KANK1: variants seen among roughly 807,000 people sequenced by gnomAD.
KANK1 encodes the protein KN motif and ankyrin repeat domain-containing protein 1.
In KANK1, 109 loss-of-function variants were observed where a neutral mutation model predicts 106.2. The ratio of observed to expected loss-of-function variants is 1.03; its 90% CI spans 0.88 to 1.20. The LOEUF (loss-of-function observed/expected upper bound fraction) is 1.20. Among genes scored for constraint, KANK1 ranks in the 50% most tolerant of loss-of-function variants. The pLI is 0.00. For synonymous variants in KANK1, 873 were observed against 652.2 expected, an observed-to-expected ratio of 1.34 and a Z score of -5.16; for missense variants, 2,399 against 1,710.7, an observed-to-expected ratio of 1.40 and a Z score of -7.10.
At chr9:684,148 G>A in intron 2 of KANK1, 1 of 984,812 alleles carries the variant, frequency 1.0e-6, no homozygotes, top group Non-Finnish European at 1.2e-6. Context: ...GTTTTAACCT[G>A]TAGCCAGCTT....
chr9:612,869 CATA>C (rs1226774975), intron 1 of KANK1, among the ~76,000 whole-genome samples: 1 of 152,164 alleles, frequency 6.6e-6, no homozygotes, highest in Non-Finnish European at 1.5e-5. Context: ...CCCTAAGAGT[CATA>C]TAAGACACAA....
Position 588,987 on chromosome 9 carries a change from A to G in KANK1, c.-84+84233A>G, listed in dbSNP as rs888817335. On this transcript the variant is annotated intron_variant, in intron 1 of 11. Coordinates refer to ENST00000382297, the MANE Select transcript of KANK1 (RefSeq NM_015158.5). ...AATTATTACCAAATCAGTAAATCAC[A>G]GTAGAAACTAAAGTGCTGACCTTGA... 1.6e-4 allele frequency among the ~76,000 whole-genome samples: 25 copies of G among 152,336 alleles called. 1 individual carries two copies. The highest frequency in any genetic ancestry group is 1.6e-3 in the Admixed American group (24 of 15,306).
At position 732,451 on chromosome 9, in the gene KANK1, G is replaced by A. The variant is rs746340884; in HGVS notation, c.3079G>A (p.Val1027Ile). 6 of 1,614,200 alleles carry A rather than the reference G, an allele frequency of 3.7e-6. No individual in the cohort carries two copies. The South Asian group carries it at 4.4e-5, about 12-fold the overall frequency. The change falls in exon 6 of 12, where the codon GTC becomes ATC. Residue 1027 changes from valine to isoleucine, a missense_variant. Transcript: ENST00000382297. The part of the protein sequence containing the change: ...SSSESDDECD[V>I]IEYPLEEEEE... ...TTCCGAGTCAGATGACGAGTGTGAT[G>A]TCATTGAGTATCCTCTTGAAGAAGA...
At chr9:720,196 A>C (rs1252425531) in intron 3 of KANK1, among the ~76,000 whole-genome samples, 3 of 152,202 alleles carry the variant, frequency 2.0e-5, no homozygotes, top group African/African-American at 4.8e-5. Context: ...AGTTTGAGTT[A>C]ATGATAGAAG....
At chr9:526,654 A>G (rs2059806235) in intron 1 of KANK1, among the ~76,000 whole-genome samples, 1 of 151,884 alleles carries the variant, frequency 6.6e-6, no homozygotes, top group Admixed American at 6.5e-5. Flanking sequence ...AAAACCGTCC[A>G]TGAAAACAGT....
intron 1 of KANK1, among the ~76,000 whole-genome samples, chr9:523,210 C>T (rs1434034406): frequency 1.3e-5 from 2 of 151,682 alleles, no homozygotes; most frequent in Non-Finnish European, 2.9e-5. Context: ...CAACGTCACC[C>T]AAACAGAATT....
intron 1 of KANK1, among the ~76,000 whole-genome samples, chr9:566,229 G>T (rs1817775919): frequency 6.6e-6 from 1 of 152,148 alleles, no homozygotes; most frequent in Non-Finnish European, 1.5e-5. Flanking sequence ...TGGTGTATAT[G>T]TTCCACATTT....
chr9:701,751 G>A (rs557236946), intron 2 of KANK1, among the ~76,000 whole-genome samples: 2 of 152,136 alleles, frequency 1.3e-5, no homozygotes, highest in Non-Finnish European at 2.9e-5. Flanking sequence ...GTTAGTACTC[G>A]ACTAGTTTCC....
chr9:713,214 A>G lies in KANK1; in HGVS notation c.2448A>G (p.Pro816=). The change falls in exon 3 of 12, where the codon CCA becomes CCG. Residue 816 remains proline (P), a synonymous_variant. Coordinates refer to ENST00000382297, the MANE Select transcript of KANK1 (RefSeq NM_015158.5). Reference sequence around the variant, plus strand: ...TGGAGAACCCCCAGCCTCAAGCTCCACTTGGAATGATGACTGGCCTGGATC... The same window carrying G: ...TGGAGAACCCCCAGCCTCAAGCTCCGCTTGGAATGATGACTGGCCTGGATC... The part of the protein sequence containing the change: ...ESLENPQPQA[P]LGMMTGLDHY... 6.3e-7 allele frequency: 1 copy of G among 1,594,138 alleles called. No individual in the cohort carries two copies. The highest frequency in any genetic ancestry group is 8.5e-7 in the Non-Finnish European group (1 of 1,170,082).
chr9:593,338 G>T (rs1825443080), intron 1 of KANK1, among the ~76,000 whole-genome samples: 1 of 151,624 alleles, frequency 6.6e-6, no homozygotes, highest in South Asian at 2.1e-4. Context: ...GACAAAAAAA[G>T]GATTCTTGTA....
intron 2 of KANK1, among the ~76,000 whole-genome samples, chr9:678,356 G>T (rs573330801): frequency 6.6e-6 from 1 of 152,222 alleles, no homozygotes; most frequent in South Asian, 2.1e-4. Flanking sequence ...AATCTAATGA[G>T]ATTAAGCTAT....
At chr9:607,901 G>T (rs9696204) in intron 1 of KANK1, among the ~76,000 whole-genome samples, 2 of 151,092 alleles carry the variant, frequency 1.3e-5, no homozygotes, top group Non-Finnish European at 2.9e-5. Flanking sequence ...ACCTTTACCT[G>T]GTTGTATTGT....
chr9:744,372 C>T (rs950004518), intron 10 of KANK1, 119 bp from the exon 11 acceptor site: 20 of 1,177,686 alleles, frequency 1.7e-5, no homozygotes, highest in African/African-American at 4.6e-5. Flanking sequence ...GAAGACCGAA[C>T]GAGTAGGGAT....
chr9:649,535 G>A (rs879467299), intron 1 of KANK1, among the ~76,000 whole-genome samples: 3 of 152,212 alleles, frequency 2.0e-5, no homozygotes, highest in Non-Finnish European at 2.9e-5. Flanking sequence ...ACAGATGTAA[G>A]TAAGTAGTGC....
At chr9:738,213 T>TA in intron 7 of KANK1, 72 bp from the exon 8 acceptor site, 1 of 1,229,788 alleles carries the variant, frequency 8.1e-7, no homozygotes, top group Non-Finnish European at 1.2e-6. Flanking sequence ...AAGGACAGGT[T>TA]ACTTGTGCTT....
chr9:495,904 T>C (rs532379801), intron 3 of KANK1, among the ~76,000 whole-genome samples: 27 of 152,278 alleles, frequency 1.8e-4, no homozygotes, highest in Non-Finnish European at 2.1e-4. Flanking sequence ...AGGGTTTCCT[T>C]GCTGAGGAAG....
chr9:677,367 A>C (rs1230111259), intron 2 of KANK1, among the ~76,000 whole-genome samples: 1 of 152,236 alleles, frequency 6.6e-6, no homozygotes, highest in Non-Finnish European at 1.5e-5. Context: ...GCTTAAAACC[A>C]ATTCCTAGTA....
intron 1 of KANK1, among the ~76,000 whole-genome samples, chr9:550,007 T>C (rs1460913393): frequency 2.0e-5 from 3 of 151,930 alleles, no homozygotes; most frequent in Admixed American, 6.6e-5. Flanking sequence ...CTGAGGTGGG[T>C]TTTGGTCCTT....
intron 1 of KANK1, among the ~76,000 whole-genome samples, chr9:607,484 CAAAAAAAAAA>C (rs760884670): frequency 3.6e-4 from 22 of 61,194 alleles, no homozygotes; most frequent in African/African-American, 1.2e-3. Context: ...GACTCCATCT[CAAAAAAAAAA>C]AAAAAAAAAA....
Sources: allele counts gnomAD v4.1 joint callset (sites outside exome capture counted in the v4.1 genomes callset), GRCh38; gene constraint gnomAD v4.1.1; transcripts MANE v1.5; gene names NCBI Gene and HGNC (gene_info 2026-07-23, HGNC 2026-07-21).